The following TRPM2 variants were observed in gnomAD, a reference collection of about 807,000 sequenced individuals.
The protein encoded by TRPM2 is transient receptor potential cation channel subfamily M member 2, also known as estrogen-responsive element-associated gene 1 protein.
In TRPM2, 161 loss-of-function variants were observed where a neutral mutation model predicts 174.0. The observed-to-expected ratio is 0.93, with a 90% CI of 0.81 to 1.05. The LOEUF is 1.05. TRPM2 is among the 50% of genes least tolerant of loss of function. The pLI is 0.00. For missense variants in TRPM2, 2,057 were observed against 2,038.0 expected, an observed-to-expected ratio of 1.01 and a Z score of -0.18; for synonymous variants, 954 against 861.3, an observed-to-expected ratio of 1.11 and a Z score of -1.88.
intron 28 of TRPM2, 30 bp from the exon 29 acceptor site, chr21:44,437,032 C>G: frequency 6.5e-7 from 1 of 1,545,306 alleles, no homozygotes; most frequent in Non-Finnish European, 8.7e-7. Flanking sequence ...CGCAGCGGGT[C>G]CTGGGCAGCC....
At chr21:44,375,390 G>A (rs1268255996) in intron 5 of TRPM2, among the ~76,000 whole-genome samples, 1 of 152,162 alleles carries the variant, frequency 6.6e-6, no homozygotes, top group Non-Finnish European at 1.5e-5. Flanking sequence ...ACCTGTATCC[G>A]TTTCCTGTGG....
intron 8 of TRPM2, among the ~76,000 whole-genome samples, chr21:44,380,847 T>C (rs2048859284): frequency 6.6e-6 from 1 of 152,158 alleles, no homozygotes; most frequent in Non-Finnish European, 1.5e-5. Context: ...TACTGAGTGC[T>C]CGACTCAGAC....
At chr21:44,416,913 T>G (rs1307828179) in intron 20 of TRPM2, among the ~76,000 whole-genome samples, 15 of 116,850 alleles carry the variant, frequency 1.3e-4, no homozygotes, top group South Asian at 3.1e-4. Context: ...CATCACAGTG[T>G]GCACGTGGGC....
intron 9 of TRPM2, among the ~76,000 whole-genome samples, chr21:44,385,405 C>T (rs889936704): frequency 6.6e-6 from 1 of 152,102 alleles, no homozygotes; most frequent in Non-Finnish European, 1.5e-5. Context: ...AGATCTTAAA[C>T]CAACAACCTA....
intron 19 of TRPM2, among the ~76,000 whole-genome samples, chr21:44,409,237 C>T (rs2050008214): frequency 1.3e-5 from 2 of 152,146 alleles, no homozygotes; most frequent in Non-Finnish European, 2.9e-5. Flanking sequence ...CTGTGTTCTA[C>T]TAAGTGTTTT....
chr21:44,372,352 C>T (rs528095652), intron 5 of TRPM2, among the ~76,000 whole-genome samples: 2 of 151,822 alleles, frequency 1.3e-5, no homozygotes, highest in South Asian at 2.1e-4. Flanking sequence ...AAAAATTAGC[C>T]GGGCATGGTG....
chr21:44,403,574 A>G (rs2049711064), intron 16 of TRPM2, among the ~76,000 whole-genome samples: 1 of 151,716 alleles, frequency 6.6e-6, no homozygotes. Flanking sequence ...GCATATGTAC[A>G]CACATACATG....
chr21:44,385,148 C>T (rs1169901443), intron 9 of TRPM2, among the ~76,000 whole-genome samples: 1 of 152,152 alleles, frequency 6.6e-6, no homozygotes, highest in East Asian at 1.9e-4. Context: ...TTAATCAATA[C>T]ACCACATTAA....
chr21:44,373,621 TGCATTATATGCGA>T, intron 5 of TRPM2, among the ~76,000 whole-genome samples: 2 of 140,396 alleles, frequency 1.4e-5, no homozygotes. Flanking sequence ...ATATGCGACC[TGCATTATATGCGA>T]CCCGGATAGG....
At position 44,353,636 on chromosome 21, in the gene TRPM2, C is replaced by T. The variant is rs756693037; in HGVS notation, c.-65C>T. On this transcript the variant is annotated 5_prime_UTR_variant, in exon 1 of 32. Coordinates refer to ENST00000397928, the MANE Select transcript of TRPM2 (RefSeq NM_003307.4). ...ATGTGTCTCTAGAACCCCAGTGTAG[C>T]GAGCTGGAGAGAGGACTGTCCTGAG... 1.4e-5 allele frequency: 20 copies of T among 1,391,110 alleles called. No homozygotes were observed. The highest frequency in any genetic ancestry group is 9.1e-5 in the East Asian group (3 of 32,964). The allele number at this position is 1,391,110 out of a possible 1,614,324, so 86.2% of individuals were successfully genotyped here.
At chr21:44,374,777 C>A (rs1352426857) in intron 5 of TRPM2, among the ~76,000 whole-genome samples, 1 of 152,142 alleles carries the variant, frequency 6.6e-6, no homozygotes, top group African/African-American at 2.4e-5. Context: ...GCTCGTTCAC[C>A]CACCACCCAC....
At chr21:44,433,699 G>A (rs1238076315) in intron 27 of TRPM2, among the ~76,000 whole-genome samples, 1 of 152,218 alleles carries the variant, frequency 6.6e-6, no homozygotes, top group South Asian at 2.1e-4. Flanking sequence ...CTTCTGGGGA[G>A]GCTGCCTGGG....
intron 2 of TRPM2, among the ~76,000 whole-genome samples, chr21:44,356,023 T>C (rs1055517512): frequency 6.6e-6 from 1 of 150,720 alleles, no homozygotes; most frequent in Admixed American, 6.6e-5. Context: ...GTAGATGTTA[T>C]AAAAATAGTT....
chr21:44,405,866 C>T (rs2049851967), intron 17 of TRPM2, 39 bp from the exon 18 acceptor site: 3 of 1,589,784 alleles, frequency 1.9e-6, no homozygotes, highest in South Asian at 2.2e-5. Flanking sequence ...CTGCTGTGAG[C>T]AGGTGGCTGA....
chr21:44,389,873 ATT>A (rs34732510), intron 9 of TRPM2, among the ~76,000 whole-genome samples: 203 of 139,342 alleles, frequency 1.5e-3, no homozygotes, highest in African/African-American at 3.8e-3. Context: ...GAGGCTTAAA[ATT>A]TTTTTTTTTT....
rs561467622 is a variant in TRPM2, at chr21:44,366,525, G to A, written c.424-229G>A. ...GGGCTGGGGGAGGTTTGCTGAGGGC[G>A]ATCCTGGTCCCCAAAGGATGGCCTG... On this transcript the variant is annotated intron_variant, in intron 3 of 31. Coordinates refer to ENST00000397928, the MANE Select transcript of TRPM2 (RefSeq NM_003307.4). This position sits in a 1 kb window ranked among gnomAD's most constrained non-coding sequence, Gnocchi z 6.0. 2.6e-5 allele frequency among the ~76,000 whole-genome samples: 4 copies of A among 152,178 alleles called. No homozygotes were observed. The highest frequency in any genetic ancestry group is 5.9e-5 in the Non-Finnish European group (4 of 68,022).
In TRPM2 at chr21:44,369,195, G is replaced by T. The variant is rs202197856; in HGVS notation, c.623G>T (p.Gly208Val). Residue 208 changes from glycine (G) to valine (V), a missense_variant, in exon 5 of 32, where the codon GGG becomes GTG. Transcript: ENST00000397928. The stretch of plus-strand genomic sequence containing the variant: ...TCCCCAGGGGCCTGGATCATCACAG[G>T]GGGGTCCCACACCGGCGTCATGAAG... The part of the protein sequence containing the change: ...AQTTGAWIIT[G>V]GSHTGVMKQV... 1 of 1,611,068 alleles carries T rather than the reference G, an allele frequency of 6.2e-7. No homozygotes were observed. Among genetic ancestry groups the T allele is most frequent in the South Asian group, 1.1e-5 (1 of 90,650 alleles).
chr21:44,393,683 A>G (rs779645825), intron 11 of TRPM2, among the ~76,000 whole-genome samples: 4 of 151,456 alleles, frequency 2.6e-5, no homozygotes, highest in Non-Finnish European at 4.4e-5. Context: ...TTAATTGGTA[A>G]TAGTTCTAGT....
Position 44,425,808 on chromosome 21 carries a change from A to G in TRPM2, c.3776A>G (p.Asn1259Ser), listed in dbSNP as rs1244088281. 2.5e-6 allele frequency: 4 copies of G among 1,576,330 alleles called. No homozygotes were observed. The highest frequency in any genetic ancestry group is 2.2e-5 in the South Asian group (2 of 89,392). ...CCTGTCACGCGCTTCCCCGTGCCCA[A>G]CGAGAAGGTGCCCTGGGAGGTGAGC... The part of the protein sequence containing the change: ...NCPVTRFPVP[N>S]EKVPWETEFL... The change falls in exon 25 of 32, where the codon AAC (asparagine) becomes AGC (serine). Residue 1259 changes from asparagine (N) to serine (S), a missense_variant. Coordinates refer to ENST00000397928, the MANE Select transcript of TRPM2 (RefSeq NM_003307.4).
Sources: gnomAD v4.1 joint callset for allele counts (sites outside exome capture counted in the v4.1 genomes callset) on GRCh38, gnomAD v4.1.1 for gene constraint, Gnocchi (gnomAD v3.1) non-coding constraint, MANE v1.5 for transcripts, NCBI Gene and HGNC (gene_info 2026-07-23, HGNC 2026-07-21) for gene names.